GRAMD1B: variants seen among roughly 807,000 people sequenced by gnomAD.
GRAMD1B encodes the protein protein Aster-B.
Under a neutral mutation model 99.7 loss-of-function variants are expected in GRAMD1B, and 37 were observed. The observed-to-expected ratio is 0.37, with a 90% CI of 0.29 to 0.49. The LOEUF (loss-of-function observed/expected upper bound fraction) is 0.49. Among genes scored for constraint, GRAMD1B ranks in the 20% least tolerant of loss-of-function variants. The pLI, the probability that GRAMD1B is intolerant of heterozygous loss-of-function variation, is 0.98. For synonymous variants in GRAMD1B, 427 were observed against 387.6 expected (o/e 1.10, Z -1.19); for missense variants, 888 against 1,009.2 (o/e 0.88, Z 1.63).
At chr11:123,588,083 CCT>C (rs777094237) in intron 4 of GRAMD1B, among the ~76,000 whole-genome samples, 33 of 150,758 alleles carry the variant, frequency 2.2e-4, no homozygotes, top group Non-Finnish European at 3.1e-4. Context: ...TCAGTTACGT[CCT>C]CGTCTCCCGT....
intron 7 of GRAMD1B, 69 bp from the exon 8 acceptor site, chr11:123,600,399 A>G: frequency 1.0e-6 from 1 of 957,038 alleles, no homozygotes; most frequent in Non-Finnish European, 1.6e-6. Context: ...TAAAGGATGG[A>G]GGACCATGTC....
At chr11:123,405,083 C>CAGAG (rs150231480) in intron 1 of GRAMD1B, among the ~76,000 whole-genome samples, 1 of 149,312 alleles carries the variant, frequency 6.7e-6, no homozygotes, top group Admixed American at 6.7e-5. Context: ...TAGCAAGAGA[C>CAGAG]AGAGAGAGAG....
chr11:123,400,946 T>A (rs1947638527), intron 1 of GRAMD1B, among the ~76,000 whole-genome samples: 1 of 152,166 alleles, frequency 6.6e-6, no homozygotes, highest in African/African-American at 2.4e-5. Flanking sequence ...TCTCCAAGTT[T>A]ATTGAACTAA....
intron 1 of GRAMD1B, among the ~76,000 whole-genome samples, chr11:123,360,150 A>C (rs7105674): frequency 0.39 from 59,029 of 152,086 alleles, 13,056 homozygotes; most frequent in African/African-American, 0.61. Context: ...CCAGTGTAAC[A>C]CACACCGATC....
chr11:123,404,523 T>C (rs1036480766), intron 1 of GRAMD1B, among the ~76,000 whole-genome samples: 1 of 152,206 alleles, frequency 6.6e-6, no homozygotes. Flanking sequence ...TAATCTCACA[T>C]TTTAAAATTG....
At chr11:123,514,707 T>C (rs763778870) in intron 2 of GRAMD1B, among the ~76,000 whole-genome samples, 1 of 152,230 alleles carries the variant, frequency 6.6e-6, no homozygotes, top group Non-Finnish European at 1.5e-5. Flanking sequence ...TGAGACTGCA[T>C]AGACACTGCG....
At chr11:123,572,186 G>T (rs1432602707) in intron 2 of GRAMD1B, among the ~76,000 whole-genome samples, 1 of 152,198 alleles carries the variant, frequency 6.6e-6, no homozygotes, top group African/African-American at 2.4e-5. Context: ...ATGTGAAGTT[G>T]AGAGCTGAAT....
At position 123,552,195 on chromosome 11, in the gene GRAMD1B, A is replaced by C. The variant is rs1435868158; in HGVS notation, c.453-25172A>C. 3.3e-5 allele frequency among the ~76,000 whole-genome samples: 5 copies of C among 151,910 alleles called. No individual in the cohort carries two copies. In the East Asian group the frequency reaches 9.7e-4, roughly 29 times the overall value. Reference sequence around the variant, plus strand: ...CACTCTGATGCTGAAAATCTAGAAAAAGGAGGGATTTTTCTTCCCTTAGTA... The same window carrying C: ...CACTCTGATGCTGAAAATCTAGAAACAGGAGGGATTTTTCTTCCCTTAGTA... On this transcript the variant is annotated intron_variant, in intron 2 of 19. Transcript: ENST00000635736.
At position 123,612,078 on chromosome 11, in the gene GRAMD1B, A is replaced by G. The variant is rs554247994; in HGVS notation, c.1920-683A>G. Among the ~76,000 whole-genome samples, 6 of 151,872 alleles carry G rather than the reference A, an allele frequency of 4.0e-5. No homozygotes were observed. The East Asian group carries it at 1.2e-3, about 29-fold the overall frequency. ...TGGAGAGGCAGGAGCCAGGGCTGGC[A>G]GCAGATGATATTCTTTTTTTTTTTC... is the stretch of plus-strand genomic sequence containing the variant. On this transcript the variant is annotated intron_variant, in intron 14 of 19. Transcript: ENST00000635736.
At chr11:123,572,567 T>A (rs1948225626) in intron 2 of GRAMD1B, among the ~76,000 whole-genome samples, 1 of 152,194 alleles carries the variant, frequency 6.6e-6, no homozygotes, top group African/African-American at 2.4e-5. Context: ...AAACATTTCT[T>A]CTTTTGTAGA....
chr11:123,477,713 C>A (rs1283991265), intron 1 of GRAMD1B, among the ~76,000 whole-genome samples: 1 of 146,702 alleles, frequency 6.8e-6, no homozygotes, highest in Non-Finnish European at 1.5e-5. Flanking sequence ...TTCTCCCTTC[C>A]TTTCCTTTCC....
intron 3 of GRAMD1B, among the ~76,000 whole-genome samples, chr11:123,581,845 G>T (rs1355247673): frequency 6.6e-6 from 1 of 152,218 alleles, no homozygotes; most frequent in African/African-American, 2.4e-5. Context: ...CATAGATTTG[G>T]AAGGCACAAG....
rs752715210 is a variant in GRAMD1B, at chr11:123,605,494, C to G, written c.1323+16C>G. ...CCCCGTCTCGGTATGGGCAGTCAGCCTTTGACTTCTACCCCCAGTCCTGTG... is the reference window on the plus strand; with the variant it reads ...CCCCGTCTCGGTATGGGCAGTCAGCGTTTGACTTCTACCCCCAGTCCTGTG... On this transcript the variant is annotated intron_variant, in intron 10 of 19. Coordinates refer to ENST00000635736, the MANE Select transcript of GRAMD1B (RefSeq NM_001387025.1). 1 of 1,598,402 alleles carries G rather than the reference C, an allele frequency of 6.3e-7. No homozygotes were observed. Among genetic ancestry groups the G allele is most frequent in the Non-Finnish European group, 8.5e-7 (1 of 1,170,868 alleles).
chr11:123,513,377 C>T (rs1334000301), intron 2 of GRAMD1B, among the ~76,000 whole-genome samples: 1 of 151,892 alleles, frequency 6.6e-6, no homozygotes, highest in Non-Finnish European at 1.5e-5. Context: ...TGTCATAGTA[C>T]TACCCTTTTT....
intron 1 of GRAMD1B, among the ~76,000 whole-genome samples, chr11:123,368,699 A>AAAAAAAAAG (rs1555106411): frequency 9.3e-5 from 14 of 150,398 alleles, no homozygotes; most frequent in African/African-American, 3.4e-4. Context: ...AAAAAAAAAA[A>AAAAAAAAAG]AAAGAAAGAA....
rs1038265416 is a variant in GRAMD1B, at chr11:123,560,456, C to T, written c.453-16911C>T. The T allele has an allele frequency of 1.2e-5, 14 of 1,198,568 alleles. No homozygotes were observed. In the East Asian group the frequency reaches 5.9e-4, roughly 50 times the overall value. The allele number at this position is 1,198,568 out of a possible 1,614,324, so 74.2% of individuals were successfully genotyped here. ...TGTGAAACAGCAGAGCAAAGAAGCG[C>T]CCCCAGCTTCTGAGAGCCCTGGCCC... On this transcript the variant is annotated intron_variant, in intron 2 of 19. Transcript: ENST00000635736.
intron 3 of GRAMD1B, among the ~76,000 whole-genome samples, chr11:123,578,072 A>T (rs2136238556): frequency 6.6e-6 from 1 of 152,104 alleles, no homozygotes; most frequent in South Asian, 2.1e-4. Flanking sequence ...GGGCCTTTCC[A>T]TCCTCCCAAG....
intron 8 of GRAMD1B, among the ~76,000 whole-genome samples, chr11:123,602,059 A>G (rs1375055328): frequency 6.6e-6 from 1 of 152,170 alleles, no homozygotes; most frequent in Non-Finnish European, 1.5e-5. Context: ...TGGATGTTGC[A>G]CATAAAGGCC....
intron 7 of GRAMD1B, chr11:123,597,870 G>A (rs1951475320): frequency 2.6e-6 from 2 of 782,072 alleles, no homozygotes; most frequent in African/African-American, 1.7e-5. Context: ...AGAGGATTTG[G>A]TTGGGAGAAA....
Sources: allele counts gnomAD v4.1 joint callset (sites outside exome capture counted in the v4.1 genomes callset), GRCh38; gene constraint gnomAD v4.1.1; transcripts MANE v1.5; gene names NCBI Gene and HGNC (gene_info 2026-07-23, HGNC 2026-07-21).